The following CDK15 variants were observed in gnomAD, a reference collection of about 807,000 sequenced individuals.
CDK15 encodes cyclin dependent kinase 15, also known as cyclin-dependent kinase 15.
CDK15 carries 62 observed loss-of-function variants against 60.3 expected under a neutral mutation model. The observed-to-expected ratio is 1.03, with a 90% CI of 0.84 to 1.27. The LOEUF (loss-of-function observed/expected upper bound fraction) is 1.27. CDK15 is among the 50% of genes most tolerant of loss of function. CDK15 has a pLI of 0.00. For missense variants in CDK15, 541 were observed against 527.8 expected (o/e 1.03, Z -0.25); for synonymous variants, 194 against 195.7 (o/e 0.99, Z 0.07).
chr2:201,828,417 G>T (rs2105726356), intron 6 of CDK15, among the ~76,000 whole-genome samples: 1 of 152,138 alleles, frequency 6.6e-6, no homozygotes, highest in Middle Eastern at 3.4e-3. Context: ...AAGGGAAGCA[G>T]CTTGTAGGAA....
At chr2:201,842,851 G>T (rs1697460747) in intron 8 of CDK15, among the ~76,000 whole-genome samples, 1 of 152,174 alleles carries the variant, frequency 6.6e-6, no homozygotes, top group South Asian at 2.1e-4. Flanking sequence ...ATGTCACAGG[G>T]TCTTTTCTCC....
At chr2:201,863,415 T>C (rs1698478115) in intron 10 of CDK15, among the ~76,000 whole-genome samples, 1 of 152,042 alleles carries the variant, frequency 6.6e-6, no homozygotes, top group African/African-American at 2.4e-5. Flanking sequence ...ATGTTCTTAA[T>C]GTTAAAAAGA....
chr2:201,875,130 T>C (rs1348955581), intron 11 of CDK15, among the ~76,000 whole-genome samples: 1 of 152,228 alleles, frequency 6.6e-6, no homozygotes, highest in East Asian at 1.9e-4. Context: ...ATTTTCATTT[T>C]TTCTTATTGT....
intron 8 of CDK15, 76 bp from the exon 9 acceptor site, chr2:201,847,305 A>C: frequency 3.0e-5 from 41 of 1,355,994 alleles, no homozygotes; most frequent in Non-Finnish European, 4.1e-5. Flanking sequence ...TTTCTTGGGA[A>C]GAGAAATTCT....
chr2:201,842,879 C>T (rs1697462036), intron 8 of CDK15, among the ~76,000 whole-genome samples: 1 of 152,236 alleles, frequency 6.6e-6, no homozygotes, highest in Non-Finnish European at 1.5e-5. Flanking sequence ...ATGAATTTCC[C>T]CTTCGTCTAC....
At chr2:201,850,378 C>T (rs928835154) in intron 9 of CDK15, among the ~76,000 whole-genome samples, 3 of 152,156 alleles carry the variant, frequency 2.0e-5, no homozygotes, top group East Asian at 1.9e-4. Flanking sequence ...TAGCACAGCA[C>T]TTAGAAATCA....
At chr2:201,841,732 G>A (rs1455110355) in intron 8 of CDK15, among the ~76,000 whole-genome samples, 1 of 152,192 alleles carries the variant, frequency 6.6e-6, no homozygotes, top group Non-Finnish European at 1.5e-5. Context: ...AATGAGGCCT[G>A]GTGGCAGCAG....
intron 10 of CDK15, among the ~76,000 whole-genome samples, chr2:201,867,226 A>C (rs1170131248): frequency 1.3e-5 from 2 of 152,206 alleles, no homozygotes; most frequent in Non-Finnish European, 2.9e-5. Flanking sequence ...TGAGCCTCAG[A>C]GAAGTGTTTG....
At chr2:201,835,498 C>A in intron 7 of CDK15, 145 bp from the exon 8 acceptor site, 2 of 915,802 alleles carry the variant, frequency 2.2e-6, no homozygotes, top group Non-Finnish European at 3.0e-6. Context: ...AAGTGATAGA[C>A]AAGAGTCAAG....
At chr2:201,824,694 C>T in intron 6 of CDK15, 1 of 400,934 alleles carries the variant, frequency 2.5e-6, no homozygotes, top group Admixed American at 3.6e-5. Flanking sequence ...GAATGGTGAA[C>T]CCAAGAGCCA....
At position 201,833,861 on chromosome 2, in the gene CDK15, A is replaced by C; in HGVS notation, c.620A>C (p.Gln207Pro). ...TCTTCCTTCCAGCTTTTCATGTTTC[A>C]ACTTTTGCGGGGCCTGGCGTACATC... ...HPHNVRLFMF[Q>P]LLRGLAYIHH... The change falls in exon 7 of 14, where the codon CAA (glutamine) becomes CCA (proline). Residue 207 changes from glutamine to proline, a missense_variant. Transcript: ENST00000652192. 6.2e-7 allele frequency: 1 copy of C among 1,613,354 alleles called. No individual in the cohort carries two copies. The highest frequency in any genetic ancestry group is 1.1e-5 in the South Asian group (1 of 91,010).
chr2:201,818,783 T>A (rs1696094056), intron 4 of CDK15, among the ~76,000 whole-genome samples: 1 of 152,112 alleles, frequency 6.6e-6, no homozygotes, highest in Non-Finnish European at 1.5e-5. Flanking sequence ...ATATTTATAA[T>A]CTAATGAGGG....
intron 10 of CDK15, among the ~76,000 whole-genome samples, chr2:201,857,807 C>T (rs1207129783): frequency 2.6e-5 from 4 of 151,874 alleles, no homozygotes; most frequent in South Asian, 2.1e-4. Context: ...CATCCTCTTA[C>T]GTGAGTCAAT....
intron 6 of CDK15, among the ~76,000 whole-genome samples, chr2:201,831,229 G>T (rs1329769167): frequency 6.6e-6 from 1 of 152,194 alleles, no homozygotes; most frequent in East Asian, 1.9e-4. Flanking sequence ...GATTCCAGGG[G>T]GGATGGAAGG....
chr2:201,856,318 C>T (rs1698143077), intron 10 of CDK15, among the ~76,000 whole-genome samples: 1 of 152,168 alleles, frequency 6.6e-6, no homozygotes, highest in Non-Finnish European at 1.5e-5. Flanking sequence ...GCATCTTGAA[C>T]CACCAGGATT....
intron 10 of CDK15, among the ~76,000 whole-genome samples, chr2:201,856,684 T>G (rs1698156884): frequency 6.6e-6 from 1 of 152,126 alleles, no homozygotes; most frequent in South Asian, 2.1e-4. Flanking sequence ...CTATTTTCCC[T>G]CAGCTTCCTA....
At chr2:201,831,780 G>A (rs888810864) in intron 6 of CDK15, among the ~76,000 whole-genome samples, 14 of 152,212 alleles carry the variant, frequency 9.2e-5, no homozygotes, top group Admixed American at 3.9e-4. Context: ...CAGCCAGCTG[G>A]CTCTCTCCTT....
chr2:201,807,287 A>G (rs1695551096), intron 1 of CDK15, among the ~76,000 whole-genome samples: 1 of 152,170 alleles, frequency 6.6e-6, no homozygotes, highest in African/African-American at 2.4e-5. Flanking sequence ...ACACATTTTT[A>G]GGTGAAGAAA....
At chr2:201,879,994 G>A (rs1227120010) in intron 11 of CDK15, 34 bp from the exon 12 acceptor site, 2 of 1,609,666 alleles carry the variant, frequency 1.2e-6, no homozygotes, top group East Asian at 4.5e-5. Context: ...GGAGGCTGCT[G>A]GAGAAACTCT....
Sources: gnomAD v4.1 joint callset for allele counts (sites outside exome capture counted in the v4.1 genomes callset) on GRCh38, gnomAD v4.1.1 for gene constraint, MANE v1.5 for transcripts, NCBI Gene and HGNC (gene_info 2026-07-23, HGNC 2026-07-21) for gene names.